Variants in SGK3 observed in about 807,000 individuals in gnomAD.
The protein encoded by SGK3 is serine/threonine-protein kinase Sgk3.
SGK3 carries 47 observed loss-of-function variants against 68.5 expected under a neutral mutation model. That is an observed-to-expected ratio of 0.69 (90% CI 0.54 to 0.87). The LOEUF is 0.87. Among genes scored for constraint, SGK3 ranks in the 40% least tolerant of loss-of-function variants. SGK3 has a pLI of 0.00. For missense variants in SGK3, 479 were observed against 575.5 expected, an observed-to-expected ratio of 0.83 and a Z score of 1.72; for synonymous variants, 181 against 189.1, an observed-to-expected ratio of 0.96 and a Z score of 0.35.
intron 3 of SGK3, among the ~76,000 whole-genome samples, chr8:66,802,120 C>T (rs1220556507): frequency 2.0e-5 from 3 of 152,008 alleles, no homozygotes; most frequent in African/African-American, 7.3e-5. Context: ...TATTTCATCA[C>T]TTTCTATGTC....
At chr8:66,763,917 T>C (rs1228656943) in intron 1 of SGK3, among the ~76,000 whole-genome samples, 1 of 152,236 alleles carries the variant, frequency 6.6e-6, no homozygotes, top group Non-Finnish European at 1.5e-5. Context: ...TTGCCCAGAC[T>C]GGAGTGCAGT....
chr8:66,787,048 A>AT (rs1807238553), intron 1 of SGK3, among the ~76,000 whole-genome samples: 1 of 140,782 alleles, frequency 7.1e-6, no homozygotes, highest in African/African-American at 2.7e-5. Context: ...AGTTCAAGCA[A>AT]TTCTCCTCCC....
chr8:66,767,628 C>T (rs1175601965), intron 1 of SGK3: 1 of 1,373,096 alleles, frequency 7.3e-7, no homozygotes, highest in African/African-American at 1.4e-5. Flanking sequence ...GGTCAAAACT[C>T]TCGAAGCCTA....
chr8:66,850,341 G>A (rs1302121921), intron 15 of SGK3, among the ~76,000 whole-genome samples: 2 of 152,130 alleles, frequency 1.3e-5, no homozygotes, highest in African/African-American at 2.4e-5. Context: ...GCCATTGTTT[G>A]GTAATACCAA....
chr8:66,843,740 T>C (rs1037257789), intron 14 of SGK3, among the ~76,000 whole-genome samples, 193 bp downstream of exon 14: 2 of 152,184 alleles, frequency 1.3e-5, no homozygotes, highest in African/African-American at 2.4e-5. Flanking sequence ...ACGCCAGTAA[T>C]CCCAGCACTT....
chr8:66,800,805 C>T (rs1239810575), intron 3 of SGK3, among the ~76,000 whole-genome samples: 4 of 151,790 alleles, frequency 2.6e-5, no homozygotes, highest in South Asian at 2.1e-4. Context: ...AGGGAGACTC[C>T]ATCTCTACAA....
intron 1 of SGK3, chr8:66,768,065 A>G: frequency 1.8e-6 from 1 of 556,854 alleles, no homozygotes; most frequent in Non-Finnish European, 3.3e-6. Context: ...ATTACAGTCT[A>G]TCTTCATTTG....
intron 1 of SGK3, among the ~76,000 whole-genome samples, chr8:66,749,044 G>A (rs757641207): frequency 6.6e-6 from 1 of 152,090 alleles, no homozygotes; most frequent in South Asian, 2.1e-4. Context: ...CTACAGGCGT[G>A]CATCACCACG....
intron 5 of SGK3, among the ~76,000 whole-genome samples, chr8:66,815,470 C>A (rs898392678): frequency 2.6e-5 from 4 of 152,172 alleles, no homozygotes; most frequent in African/African-American, 9.7e-5. Context: ...TACTATTTGG[C>A]TCTTTGTTTT....
chr8:66,760,883 G>A (rs1806146312), intron 1 of SGK3, among the ~76,000 whole-genome samples: 1 of 152,036 alleles, frequency 6.6e-6, no homozygotes, highest in Non-Finnish European at 1.5e-5. Context: ...CGGGCGTAGT[G>A]GTGCATGCCT....
Position 66,811,504 on chromosome 8 carries a change from A to G in SGK3, c.254-2349A>G, listed in dbSNP as rs532205317. On this transcript the variant is annotated intron_variant, in intron 4 of 16. Transcript: ENST00000521198. ...CCTGGAATTTTTTCAGATATTTGCA[A>G]ACTTAGTGTTGATCTAAAAAAGTAA... Among the ~76,000 whole-genome samples, 6 of 152,292 alleles carry G rather than the reference A, an allele frequency of 3.9e-5. No individual in the cohort carries two copies. The East Asian group carries it at 7.7e-4, about 20-fold the overall frequency.
intron 1 of SGK3, among the ~76,000 whole-genome samples, chr8:66,769,505 C>T (rs762787574): frequency 3.3e-5 from 5 of 152,150 alleles, no homozygotes; most frequent in African/African-American, 7.2e-5. Context: ...ATTATAGGTG[C>T]GGGTCACCGC....
At chr8:66,832,099 G>A (rs968137258) in intron 8 of SGK3, among the ~76,000 whole-genome samples, 4 of 152,154 alleles carry the variant, frequency 2.6e-5, no homozygotes, top group African/African-American at 9.6e-5. Flanking sequence ...AGCCAAAGCT[G>A]GAAAGACAAA....
chr8:66,723,090 C>CTAT (rs1491367057), intron 1 of SGK3, among the ~76,000 whole-genome samples: 10 of 21,274 alleles, frequency 4.7e-4, no homozygotes, highest in African/African-American at 2.4e-3. Flanking sequence ...AGATTTTGTT[C>CTAT]ATATATATAT....
intron 6 of SGK3, among the ~76,000 whole-genome samples, chr8:66,823,541 G>A (rs1282461394): frequency 2.0e-5 from 3 of 152,010 alleles, no homozygotes; most frequent in Non-Finnish European, 4.4e-5. Context: ...GGGGCTACAG[G>A]TGCCTGCCAC....
intron 14 of SGK3, among the ~76,000 whole-genome samples, chr8:66,844,579 A>G (rs757153018): frequency 1.1e-4 from 17 of 152,294 alleles, no homozygotes; most frequent in East Asian, 3.9e-4. Flanking sequence ...AGGCTTTTTG[A>G]CATGTTTAGA....
intron 15 of SGK3, among the ~76,000 whole-genome samples, chr8:66,847,734 C>T (rs1485271726): frequency 6.6e-6 from 1 of 152,130 alleles, no homozygotes; most frequent in African/African-American, 2.4e-5. Flanking sequence ...AACACAGAGA[C>T]TAACCAACTA....
chr8:66,806,766 A>G (rs1808181991), intron 4 of SGK3, among the ~76,000 whole-genome samples: 1 of 151,122 alleles, frequency 6.6e-6, no homozygotes, highest in Non-Finnish European at 1.5e-5. Context: ...GTGAGCCAAG[A>G]TCGCACCATT....
chr8:66,832,532 G>A (rs1462439587), intron 8 of SGK3, among the ~76,000 whole-genome samples: 1 of 152,144 alleles, frequency 6.6e-6, no homozygotes, highest in Admixed American at 6.5e-5. Context: ...TAGAAAGTTA[G>A]AAATTAATCC....
Sources: allele counts gnomAD v4.1 joint callset (sites outside exome capture counted in the v4.1 genomes callset), GRCh38; gene constraint gnomAD v4.1.1; transcripts MANE v1.5; gene names NCBI Gene and HGNC (gene_info 2026-07-23, HGNC 2026-07-21).